The following LYN variants were observed in gnomAD, a reference collection of about 807,000 sequenced individuals.
The protein encoded by LYN is LYN proto-oncogene, Src family tyrosine kinase, also known as tyrosine-protein kinase Lyn.
A neutral mutation model predicts 65.0 loss-of-function variants in LYN; 12 were observed. That is an observed-to-expected ratio of 0.18 (90% CI 0.12 to 0.30). The LOEUF (loss-of-function observed/expected upper bound fraction) is 0.30. Ranked by LOEUF, LYN falls within the 10% of genes least tolerant of loss-of-function variation. LYN has a pLI of 1.00. For synonymous variants in LYN, 222 were observed against 221.2 expected (o/e 1.00, Z -0.03); for missense variants, 380 against 623.2 (o/e 0.61, Z 4.16).
intron 12 of LYN, 108 bp from the exon 13 acceptor site, chr8:56,009,800 A>G: frequency 4.6e-6 from 4 of 868,542 alleles, no homozygotes; most frequent in South Asian, 1.7e-5. Flanking sequence ...GCTTGTTTCA[A>G]TCATGGTTAC....
At chr8:55,940,232 T>TTG (rs1319559989) in intron 1 of LYN, 1 of 152,196 alleles carries the variant, frequency 6.6e-6, no homozygotes, top group Non-Finnish European at 1.5e-5. Context: ...GGCACCAGAT[T>TTG]TGGCAGTGCT....
chr8:55,894,450 G>A (rs921650446), intron 1 of LYN, among the ~76,000 whole-genome samples: 15 of 151,460 alleles, frequency 9.9e-5, no homozygotes, highest in Admixed American at 2.0e-4. Context: ...GCTCACTGCA[G>A]CCTCAACCTC....
chr8:55,928,359 T>C (rs1222270515), intron 1 of LYN, among the ~76,000 whole-genome samples: 1 of 152,220 alleles, frequency 6.6e-6, no homozygotes, highest in South Asian at 2.1e-4. Context: ...TTGGCCAGGC[T>C]GGTCTCCAAC....
intron 8 of LYN, among the ~76,000 whole-genome samples, chr8:55,960,413 A>T (rs66838044): frequency 6.6e-6 from 1 of 152,100 alleles, no homozygotes; most frequent in Non-Finnish European, 1.5e-5. Context: ...AGAAAAAAAT[A>T]GAAAATTTTG....
intron 1 of LYN, among the ~76,000 whole-genome samples, chr8:55,937,944 G>C (rs763554883): frequency 6.6e-6 from 1 of 152,060 alleles, no homozygotes; most frequent in Admixed American, 6.5e-5. Flanking sequence ...TGATCCACCC[G>C]CCTCGGCCTC....
chr8:55,971,111 CATCTGAGTTGGAAATTCAA>C (rs1248151409), intron 10 of LYN, among the ~76,000 whole-genome samples: 1 of 152,200 alleles, frequency 6.6e-6, no homozygotes, highest in Non-Finnish European at 1.5e-5. Flanking sequence ...ACAGGTTCCT[CATCTGAGTTGGAAATTCAA>C]GTGTGCCCTG....
At chr8:55,929,041 GA>G (rs577512685) in intron 1 of LYN, among the ~76,000 whole-genome samples, 1 of 151,858 alleles carries the variant, frequency 6.6e-6, no homozygotes, top group African/African-American at 2.4e-5. Context: ...ACCACTTATT[GA>G]AAAAAATATC....
chr8:55,881,122 G>A (rs921874321), intron 1 of LYN, among the ~76,000 whole-genome samples: 1 of 152,162 alleles, frequency 6.6e-6, no homozygotes, highest in African/African-American at 2.4e-5. Flanking sequence ...CCCCTAGTAC[G>A]TACCAAGCAT....
At chr8:56,003,881 G>A (rs896854844) in intron 12 of LYN, among the ~76,000 whole-genome samples, 1 of 147,898 alleles carries the variant, frequency 6.8e-6, no homozygotes, top group Non-Finnish European at 1.5e-5. Flanking sequence ...ATGAATTTCT[G>A]AAATTTCTAA....
chr8:55,997,895 T>G (rs551451903), intron 10 of LYN, among the ~76,000 whole-genome samples: 7 of 151,884 alleles, frequency 4.6e-5, no homozygotes, highest in South Asian at 4.2e-4. Flanking sequence ...CCATCCTGGC[T>G]AACATGGTGA....
intron 10 of LYN, among the ~76,000 whole-genome samples, chr8:55,975,796 G>A (rs914031192): frequency 1.4e-5 from 2 of 143,670 alleles, no homozygotes; most frequent in African/African-American, 2.6e-5. Context: ...GTATAAAACA[G>A]GAACTCTTTT....
intron 10 of LYN, among the ~76,000 whole-genome samples, chr8:55,972,965 T>C (rs1473071429): frequency 6.6e-6 from 1 of 152,154 alleles, no homozygotes; most frequent in Non-Finnish European, 1.5e-5. Context: ...AGTTGGGAAA[T>C]TGAATGTTCA....
intron 1 of LYN, among the ~76,000 whole-genome samples, chr8:55,912,760 G>A (rs1324486604): frequency 1.3e-5 from 2 of 148,814 alleles, no homozygotes; most frequent in Non-Finnish European, 3.0e-5. Flanking sequence ...AAACAGAGAA[G>A]AAATTCCTTC....
chr8:55,965,504 T>C (rs1807426042), intron 8 of LYN, among the ~76,000 whole-genome samples: 1 of 152,208 alleles, frequency 6.6e-6, no homozygotes, highest in Admixed American at 6.5e-5. Context: ...AAAGTTAGTA[T>C]ATATAAGTAA....
intron 10 of LYN, among the ~76,000 whole-genome samples, chr8:55,972,709 C>T (rs566777612): frequency 6.6e-6 from 1 of 152,346 alleles, no homozygotes. Context: ...TAGTGCATAA[C>T]ATGACAATAG....
At chr8:55,887,766 T>G (rs1804844837) in intron 1 of LYN, among the ~76,000 whole-genome samples, 1 of 151,812 alleles carries the variant, frequency 6.6e-6, no homozygotes, top group African/African-American at 2.4e-5. Flanking sequence ...CACACCACCA[T>G]GCCCAGCTAC....
intron 1 of LYN, among the ~76,000 whole-genome samples, chr8:55,925,659 C>T (rs1051091594): frequency 8.5e-5 from 13 of 152,204 alleles, no homozygotes; most frequent in Admixed American, 7.2e-4. Flanking sequence ...GGAAGCAGGC[C>T]GCCCGTGACA....
intron 7 of LYN, among the ~76,000 whole-genome samples, chr8:55,952,396 T>C (rs1232715341): frequency 6.7e-6 from 1 of 150,296 alleles, no homozygotes; most frequent in Non-Finnish European, 1.5e-5. Context: ...CCATCTCTAC[T>C]AGAAAAAAAA....
chr8:55,989,050 C>T (rs1230725267), intron 10 of LYN, among the ~76,000 whole-genome samples: 2 of 152,222 alleles, frequency 1.3e-5, no homozygotes, highest in Non-Finnish European at 1.5e-5. Flanking sequence ...AAGCATTGCT[C>T]ATGTTCTCTG....
Sources: gnomAD v4.1 joint callset for allele counts (sites outside exome capture counted in the v4.1 genomes callset) on GRCh38, gnomAD v4.1.1 for gene constraint, MANE v1.5 for transcripts, NCBI Gene and HGNC (gene_info 2026-07-23, HGNC 2026-07-21) for gene names.